The following ADAMTS12 variants were observed in gnomAD, a reference collection of about 807,000 sequenced individuals.
ADAMTS12 encodes A disintegrin and metalloproteinase with thrombospondin motifs 12.
A neutral mutation model predicts 167.8 loss-of-function variants in ADAMTS12; 118 were observed. The ratio of observed to expected loss-of-function variants is 0.70; its 90% CI spans 0.61 to 0.82. The LOEUF (loss-of-function observed/expected upper bound fraction) is 0.82, where lower values mean the gene tolerates loss of function less well. Among genes scored for constraint, ADAMTS12 ranks in the 40% least tolerant of loss-of-function variants. The probability of loss-of-function intolerance (pLI) is 0.00; values close to 1 mark genes in which losing one functional copy is unlikely to be tolerated. For synonymous variants in ADAMTS12, 704 were observed against 716.9 expected (o/e 0.98, Z 0.29); for missense variants, 1,916 against 1,998.8 (o/e 0.96, Z 0.79).
At chr5:33,559,618 C>T (rs956927357) in intron 20 of ADAMTS12, among the ~76,000 whole-genome samples, 12 of 152,196 alleles carry the variant, frequency 7.9e-5, no homozygotes, top group East Asian at 1.9e-4. Context: ...TGGTGGCTTA[C>T]GCCTGCAATC....
At position 33,649,817 on chromosome 5, in the gene ADAMTS12, C is replaced by G. The variant is rs568636333; in HGVS notation, c.1191-120G>C. ...ACAGCCACGTTTGTACAGAAGGCAA[C>G]TGTTTGCAAAGTGAGACTTTGAAGT... On this transcript the variant is annotated intron_variant, in intron 7 of 23. Transcript: ENST00000504830. The G allele has an allele frequency of 3.8e-6, 5 of 1,317,146 alleles. No individual in the cohort carries two copies. The East Asian group carries it at 1.2e-4, about 32-fold the overall frequency. 81.6% of individuals were successfully genotyped at this position (1,317,146 alleles called of 1,614,324 possible). A position where few individuals can be genotyped will look rare whatever the true frequency, so the allele number is the denominator to read the frequency against.
chr5:33,823,839 G>A (rs542824626), intron 2 of ADAMTS12, among the ~76,000 whole-genome samples: 1 of 152,158 alleles, frequency 6.6e-6, no homozygotes, highest in African/African-American at 2.4e-5. Context: ...ATTGAGACAG[G>A]GGTCTCGTTT....
At chr5:33,827,312 G>A (rs1748113958) in intron 2 of ADAMTS12, among the ~76,000 whole-genome samples, 1 of 151,596 alleles carries the variant, frequency 6.6e-6, no homozygotes, top group Non-Finnish European at 1.5e-5. Flanking sequence ...AAAGTCGATG[G>A]TGTCACTGGT....
intron 2 of ADAMTS12, among the ~76,000 whole-genome samples, chr5:33,843,728 T>C (rs1748836059): frequency 6.6e-6 from 1 of 152,142 alleles, no homozygotes; most frequent in Admixed American, 6.5e-5. Flanking sequence ...CCATGAATAA[T>C]AACAAATCCT....
intron 16 of ADAMTS12, among the ~76,000 whole-genome samples, chr5:33,599,007 T>C (rs946540970): frequency 2.6e-5 from 4 of 152,112 alleles, no homozygotes; most frequent in African/African-American, 9.7e-5. Flanking sequence ...CACATGTAGG[T>C]CAACAGTCAG....
intron 13 of ADAMTS12, among the ~76,000 whole-genome samples, chr5:33,629,909 T>C (rs1168115119): frequency 5.3e-5 from 8 of 152,230 alleles, no homozygotes; most frequent in Non-Finnish European, 1.2e-4. Context: ...AGAGCTTCTC[T>C]CTGTCTGTTA....
chr5:33,588,788 T>A lies in ADAMTS12; in HGVS notation c.2676A>T (p.Glu892Asp). The A allele has an allele frequency of 1.9e-6, 3 of 1,613,586 alleles. No individual in the cohort carries two copies. Among genetic ancestry groups the A allele is most frequent in the Non-Finnish European group, 2.5e-6 (3 of 1,180,002 alleles). The change falls in exon 18 of 24, where the codon GAA (glutamate) becomes GAT (aspartate). Residue 892 changes from glutamate (E) to aspartate (D), a missense_variant. Coordinates refer to ENST00000504830, the MANE Select transcript of ADAMTS12 (RefSeq NM_030955.4). ...GGGGCCCGCATGTCGCCGAGCATGC[T>A]TCCCACTCCCCTGCCCACCACCTGC... ...CPPRWWAGEW[E>D]ACSATCGPHG...
intron 2 of ADAMTS12, among the ~76,000 whole-genome samples, chr5:33,850,417 CA>C (rs998829271): frequency 6.6e-6 from 1 of 152,194 alleles, no homozygotes; most frequent in Non-Finnish European, 1.5e-5. Flanking sequence ...GCTACACACC[CA>C]TCCTCCCAAC....
At chr5:33,679,300 A>G (rs1022354923) in intron 5 of ADAMTS12, among the ~76,000 whole-genome samples, 1 of 152,192 alleles carries the variant, frequency 6.6e-6, no homozygotes, top group African/African-American at 2.4e-5. Flanking sequence ...CCATTTTCAC[A>G]TTGCTATAAA....
In ADAMTS12 at chr5:33,576,254, C is replaced by T. The variant is rs776876572; in HGVS notation, c.3772G>A (p.Glu1258Lys). 4 of 1,614,194 alleles carry T rather than the reference C, an allele frequency of 2.5e-6. No homozygotes were observed. The highest frequency in any genetic ancestry group is 2.5e-6 in the Non-Finnish European group (3 of 1,180,030). Reference protein sequence around the residue: ...LLPLGGDHQPEPSGKTANRNH... With the variant: ...LLPLGGDHQPKPSGKTANRNH... The stretch of plus-strand genomic sequence containing the variant: ...CGGTTTGCCGTCTTTCCTGAGGGTT[C>T]TGGCTGGTGGTCTCCTCCCAGAGGG... The change falls in exon 19 of 24, where the codon GAA becomes AAA. Residue 1258 changes from glutamate (E) to lysine (K), a missense_variant. Transcript: ENST00000504830.
chr5:33,758,145 A>G (rs1210442955), intron 2 of ADAMTS12, among the ~76,000 whole-genome samples: 1 of 152,198 alleles, frequency 6.6e-6, no homozygotes, highest in Non-Finnish European at 1.5e-5. Context: ...CGATAAGCAT[A>G]TTGGGCTATT....
rs879033633 is a variant in ADAMTS12, at chr5:33,630,967, C to T, written c.1889-54G>A. 12 of 1,595,392 alleles carry T rather than the reference C, an allele frequency of 7.5e-6. No homozygotes were observed. The South Asian group carries it at 1.3e-4, about 18-fold the overall frequency. The stretch of plus-strand genomic sequence containing the variant: ...GCAAATTAGCTTTTAGCTCAGCATC[C>T]TCCCCCAGGATTCCTCCGTACTTAG... On this transcript the variant is annotated intron_variant, in intron 12 of 23. Coordinates refer to ENST00000504830, the MANE Select transcript of ADAMTS12 (RefSeq NM_030955.4).
rs1277199539 is a variant in ADAMTS12, at chr5:33,641,912, T to C, written c.1616A>G (p.Glu539Gly). 3 of 1,613,694 alleles carry C rather than the reference T, an allele frequency of 1.9e-6. No homozygotes were observed. The Admixed American group carries it at 5.0e-5, about 27-fold the overall frequency. The change falls in exon 11 of 24, where the codon GAG (glutamate) becomes GGG (glycine). Residue 539 changes from glutamate (E) to glycine (G), a missense_variant. Coordinates refer to ENST00000504830, the MANE Select transcript of ADAMTS12 (RefSeq NM_030955.4). ...GKCITVGKKP[E>G]SIPGGWGRWS... is the part of the protein sequence containing the mutation. ...GCGGCCCCAGCCTCCAGGAATGCTC[T>C]CTGGTTTCTTCCCCACTGTGATGCA...
Position 33,595,965 on chromosome 5 carries a change from T to C in ADAMTS12, c.2623A>G (p.Lys875Glu). Residue 875 changes from lysine (K) to glutamate (E), a missense_variant, in exon 17 of 24, where the codon AAG becomes GAG. Coordinates refer to ENST00000504830, the MANE Select transcript of ADAMTS12 (RefSeq NM_030955.4). ...GGACAAGCCTTTTCATGGCACTTCTTCTGTCTCCCATTGGGCTGTGTTTCT... is the reference window on the plus strand; with the variant it reads ...GGACAAGCCTTTTCATGGCACTTCTCCTGTCTCCCATTGGGCTGTGTTTCT... ...DPETQPNGRQ[K>E]KCHEKACPPR... 1 of 1,614,116 alleles carries C rather than the reference T, an allele frequency of 6.2e-7. No individual in the cohort carries two copies. The highest frequency in any genetic ancestry group is 1.3e-5 in the African/African-American group (1 of 75,050).
Position 33,572,024 on chromosome 5 carries a change from T to C in ADAMTS12, c.3972+4030A>G, listed in dbSNP as rs553728472. ...AGAAATGGATAAATTCCTCGACACA[T>C]ACACTCTCCCAAGACTAAACCAGGA... On this transcript the variant is annotated intron_variant, in intron 19 of 23. Coordinates refer to ENST00000504830, the MANE Select transcript of ADAMTS12 (RefSeq NM_030955.4). Among the ~76,000 whole-genome samples the C allele has an allele frequency of 1.1e-3, 168 of 152,244 alleles. 1 individual carries two copies. In the East Asian group the frequency reaches 0.03, roughly 27 times the overall value.
chr5:33,765,016 A>G (rs905087466), intron 2 of ADAMTS12, among the ~76,000 whole-genome samples: 2 of 152,248 alleles, frequency 1.3e-5, no homozygotes, highest in African/African-American at 4.8e-5. Flanking sequence ...CTAGGCAGGA[A>G]GTCCTGGGTG....
At chr5:33,739,194 G>A (rs1744476365) in intron 3 of ADAMTS12, among the ~76,000 whole-genome samples, 1 of 152,122 alleles carries the variant, frequency 6.6e-6, no homozygotes, top group Non-Finnish European at 1.5e-5. Context: ...GGAGCTGACA[G>A]TGTGTGACGT....
intron 2 of ADAMTS12, among the ~76,000 whole-genome samples, chr5:33,855,797 C>T (rs958129203): frequency 2.6e-5 from 4 of 152,170 alleles, no homozygotes; most frequent in Admixed American, 6.5e-5. Flanking sequence ...GATCACAGCT[C>T]ATTGCAGCCT....
chr5:33,610,961 G>A (rs555162495), intron 16 of ADAMTS12, among the ~76,000 whole-genome samples: 1 of 152,256 alleles, frequency 6.6e-6, no homozygotes, highest in East Asian at 1.9e-4. Flanking sequence ...CAGCTACTCA[G>A]GAGGCTGAGG....
Sources: allele counts gnomAD v4.1 joint callset (sites outside exome capture counted in the v4.1 genomes callset), GRCh38; gene constraint gnomAD v4.1.1; transcripts MANE v1.5; gene names NCBI Gene and HGNC (gene_info 2026-07-23, HGNC 2026-07-21).